TENM3: variants seen among roughly 807,000 people sequenced by gnomAD.
The protein encoded by TENM3 is teneurin transmembrane protein 3, also known as teneurin-3.
TENM3 carries 63 observed loss-of-function variants against 255.1 expected under a neutral mutation model. The ratio of observed to expected loss-of-function variants is 0.25; its 90% confidence interval spans 0.20 to 0.30. TENM3 has a LOEUF of 0.30. Among genes scored for constraint, TENM3 ranks in the 10% least tolerant of loss-of-function variants. The pLI, the probability that TENM3 is intolerant of heterozygous loss-of-function variation, is 1.00. For synonymous variants in TENM3, 1,306 were observed against 1,322.3 expected (o/e 0.99, Z 0.27); for missense variants, 2,929 against 3,461.1 (o/e 0.85, Z 3.86).
the TENM3 span, among the ~76,000 whole-genome samples, chr4:181,599,149 G>A: frequency 6.6e-6 from 1 of 152,128 alleles, no homozygotes; most frequent in Non-Finnish European, 1.5e-5. Flanking sequence ...CACATAGGTA[G>A]AATATTTCTA....
intron 1 of TENM3, among the ~76,000 whole-genome samples, chr4:182,278,681 AG>A (rs1202552367): frequency 7.0e-4 from 105 of 149,248 alleles, no homozygotes; most frequent in Admixed American, 1.2e-3. Flanking sequence ...AAAAAAAAAA[AG>A]GAGGTGGAAA....
At chr4:182,463,655 C>T (rs959846353) in intron 3 of TENM3, among the ~76,000 whole-genome samples, 8 of 150,096 alleles carry the variant, frequency 5.3e-5, no homozygotes, top group Admixed American at 2.7e-4. Flanking sequence ...CAGAGTTTTG[C>T]TCTTGCTGCC....
chr4:182,310,359 C>G (rs1367485613), intron 1 of TENM3, among the ~76,000 whole-genome samples: 1 of 152,152 alleles, frequency 6.6e-6, no homozygotes, highest in Non-Finnish European at 1.5e-5. Flanking sequence ...CCATACACAG[C>G]TCTCAGAATC....
the TENM3 span, among the ~76,000 whole-genome samples, chr4:181,972,296 G>A: frequency 6.6e-6 from 1 of 151,856 alleles, no homozygotes; most frequent in Non-Finnish European, 1.5e-5. Context: ...GTGCATGCCT[G>A]TAGTCCCAGC....
intron 12 of TENM3, among the ~76,000 whole-genome samples, chr4:182,709,605 T>G (rs1257494810): frequency 6.6e-6 from 1 of 152,202 alleles, no homozygotes; most frequent in Non-Finnish European, 1.5e-5. Flanking sequence ...AATTATTACT[T>G]TTAATAATTA....
intron 3 of TENM3, among the ~76,000 whole-genome samples, chr4:182,410,934 G>A (rs1580448873): frequency 6.6e-6 from 1 of 152,040 alleles, no homozygotes; most frequent in Admixed American, 6.5e-5. Context: ...CCTCCTACCT[G>A]TACATTAATG....
At chr4:181,510,980 C>T in the TENM3 span, among the ~76,000 whole-genome samples, 1 of 152,170 alleles carries the variant, frequency 6.6e-6, no homozygotes, top group Non-Finnish European at 1.5e-5. Context: ...TAAGAAGGCC[C>T]ATATGCATGT....
At chr4:181,718,271 T>C in the TENM3 span, among the ~76,000 whole-genome samples, 1 of 152,324 alleles carries the variant, frequency 6.6e-6, no homozygotes, top group Middle Eastern at 3.4e-3. Flanking sequence ...CTTTTTCTCC[T>C]CGGCATGAAA....
intron 3 of TENM3, among the ~76,000 whole-genome samples, chr4:182,467,108 G>T (rs375611967): frequency 4.8e-4 from 73 of 152,118 alleles, no homozygotes; most frequent in African/African-American, 1.6e-3. Context: ...TTAAAAACTA[G>T]AAACAAAAAT....
chr4:182,430,553 A>C (rs537789961), intron 3 of TENM3, among the ~76,000 whole-genome samples: 1 of 152,144 alleles, frequency 6.6e-6, no homozygotes, highest in Admixed American at 6.5e-5. Context: ...ATCTCAAACG[A>C]GAAAAAAGAG....
At chr4:182,509,224 C>T (rs982630998) in intron 3 of TENM3, among the ~76,000 whole-genome samples, 4 of 152,192 alleles carry the variant, frequency 2.6e-5, no homozygotes, top group African/African-American at 9.7e-5. Context: ...GACAGTGAGC[C>T]TGAGACACAG....
the TENM3 span, among the ~76,000 whole-genome samples, chr4:182,092,586 T>G: frequency 6.6e-6 from 1 of 152,180 alleles, no homozygotes; most frequent in South Asian, 2.1e-4. Context: ...AGTTTGATGC[T>G]GCAGTGGCCA....
chr4:181,800,174 T>G, the TENM3 span, among the ~76,000 whole-genome samples: 2 of 152,204 alleles, frequency 1.3e-5, no homozygotes, highest in African/African-American at 2.4e-5. Flanking sequence ...GCCACGTGTT[T>G]GCAAACTCCT....
chr4:181,618,076 C>G, the TENM3 span, among the ~76,000 whole-genome samples: 5 of 152,174 alleles, frequency 3.3e-5, no homozygotes, highest in African/African-American at 9.6e-5. Flanking sequence ...TTAAGAGCAA[C>G]AATATAAAGT....
chr4:182,593,378 C>T (rs74978298), intron 3 of TENM3, among the ~76,000 whole-genome samples: 3,731 of 152,308 alleles, frequency 0.024, 74 homozygotes, highest in Middle Eastern at 0.044. Flanking sequence ...TCCACCTCCA[C>T]CCAGTTTCTG....
At chr4:181,871,728 G>T in the TENM3 span, among the ~76,000 whole-genome samples, 1 of 152,190 alleles carries the variant, frequency 6.6e-6, no homozygotes, top group East Asian at 1.9e-4. Flanking sequence ...GACTAAGGAG[G>T]TTCCTTTTTA....
At chr4:181,622,217 A>G in the TENM3 span, among the ~76,000 whole-genome samples, 1 of 152,258 alleles carries the variant, frequency 6.6e-6, no homozygotes, top group South Asian at 2.1e-4. Flanking sequence ...CAGCTAGGTC[A>G]TGCATCGCTA....
the TENM3 span, among the ~76,000 whole-genome samples, chr4:182,028,827 T>A: frequency 3.5e-4 from 54 of 152,154 alleles, no homozygotes; most frequent in African/African-American, 1.2e-3. Flanking sequence ...TTATTTCAAT[T>A]TTTTAAATAT....
the TENM3 span, among the ~76,000 whole-genome samples, chr4:181,673,293 A>G: frequency 6.6e-6 from 1 of 152,056 alleles, no homozygotes; most frequent in Non-Finnish European, 1.5e-5. Context: ...TATAATTTCT[A>G]CCATGTCTCA....
Sources: allele counts gnomAD v4.1 joint callset (sites outside exome capture counted in the v4.1 genomes callset), GRCh38; gene constraint gnomAD v4.1.1; transcripts MANE v1.5; gene names NCBI Gene and HGNC (gene_info 2026-07-23, HGNC 2026-07-21).